The following PXMP2 variants were observed in gnomAD, a reference collection of about 807,000 sequenced individuals.
The protein encoded by PXMP2 is 22 kDa peroxisomal membrane protein.
A neutral mutation model predicts 20.2 loss-of-function variants in PXMP2; 13 were observed. The observed-to-expected ratio is 0.64, with a 90% CI of 0.42 to 1.02. The LOEUF (loss-of-function observed/expected upper bound fraction) is 1.02. Ranked by LOEUF, PXMP2 falls within the 50% of genes least tolerant of loss-of-function variation. PXMP2 has a pLI of 0.00. For synonymous variants in PXMP2, 113 were observed against 111.2 expected (o/e 1.02, Z -0.10); for missense variants, 284 against 251.8 (o/e 1.13, Z -0.87).
chr12:132,702,594 T>C, intron 4 of PXMP2: 1 of 229,498 alleles, frequency 4.4e-6, no homozygotes, highest in Non-Finnish European at 9.3e-6. Flanking sequence ...TTTTTACTGG[T>C]ACTCTGGGCG....
chr12:132,690,489 C>G, intron 2 of PXMP2, 113 bp downstream of exon 2: 3 of 785,072 alleles, frequency 3.8e-6, no homozygotes, highest in Non-Finnish European at 6.1e-6. Context: ...TTTTTAAAAA[C>G]CATTGTAGTA....
rs1160720893 is a variant in PXMP2, at chr12:132,687,795, G to C, written c.122+3G>C. The C allele has an allele frequency of 1.1e-5, 13 of 1,154,782 alleles. No individual in the cohort carries two copies. Among genetic ancestry groups the C allele is most frequent in the Non-Finnish European group, 1.4e-5 (13 of 938,924 alleles). The allele number at this position is 1,154,782 out of a possible 1,614,324, so 71.5% of individuals were successfully genotyped here. A position where few individuals can be genotyped will look rare whatever the true frequency, so the allele number is the denominator to read the frequency against. On this transcript the variant is annotated splice_donor_region_variant and intron_variant, in intron 1 of 4. Coordinates refer to ENST00000317479, the MANE Select transcript of PXMP2 (RefSeq NM_018663.3). The stretch of plus-strand genomic sequence containing the variant: ...GTGCTCACCAAGGCGGCCACCAGGT[G>C]AGCGGGGGCGCGGGAATCGGACGCC...
At chr12:132,691,657 A>C (rs2043367386) in intron 2 of PXMP2, among the ~76,000 whole-genome samples, 1 of 152,194 alleles carries the variant, frequency 6.6e-6, no homozygotes, top group African/African-American at 2.4e-5. Context: ...TGATGAGATC[A>C]CCTAGCAGGC....
intron 2 of PXMP2, among the ~76,000 whole-genome samples, chr12:132,691,497 A>G (rs551362504): frequency 5.9e-5 from 9 of 152,222 alleles, no homozygotes; most frequent in Non-Finnish European, 1.2e-4. Context: ...CTCGGCCAAC[A>G]GTAATGTGAA....
chr12:132,697,935 C>T (rs376679642), intron 3 of PXMP2, among the ~76,000 whole-genome samples: 1 of 152,064 alleles, frequency 6.6e-6, no homozygotes, highest in Non-Finnish European at 1.5e-5. Context: ...CCACCTCCCC[C>T]GTTCACGAGC....
intron 3 of PXMP2, among the ~76,000 whole-genome samples, chr12:132,699,332 A>G (rs141873674): frequency 6.6e-6 from 1 of 152,116 alleles, no homozygotes; most frequent in East Asian, 1.9e-4. Flanking sequence ...CGGAGGCTTG[A>G]TGTCAGGAGG....
chr12:132,696,058 C>T lies in PXMP2; in HGVS notation c.399+12C>T, dbSNP rs1166055562. 6.3e-6 allele frequency: 10 copies of T among 1,591,630 alleles called. No individual in the cohort carries two copies. Among genetic ancestry groups the T allele is most frequent in the Non-Finnish European group, 8.6e-6 (10 of 1,165,766 alleles). ...TGAACTTTCTGGAGGTGGGTGTCTG[C>T]CACAGCACTTACTGCAGCTCTTCGT... On this transcript the variant is annotated intron_variant, in intron 3 of 4. Transcript: ENST00000317479. This position sits in a 1 kb window ranked among gnomAD's most constrained non-coding sequence, Gnocchi z 4.4.
intron 2 of PXMP2, among the ~76,000 whole-genome samples, chr12:132,692,563 C>CGCCCTT (rs1341595118): frequency 7.7e-6 from 1 of 129,070 alleles, no homozygotes. Flanking sequence ...AGTTAGTGAG[C>CGCCCTT]ACCCTTGCCA....
chr12:132,701,308 G>A lies in PXMP2; in HGVS notation c.458G>A (p.Arg153Lys). 6.2e-7 allele frequency: 1 copy of A among 1,613,124 alleles called. No individual in the cohort carries two copies. The highest frequency in any genetic ancestry group is 8.5e-7 in the Non-Finnish European group (1 of 1,179,726). Residue 153 changes from arginine (R) to lysine (K), a missense_variant, in exon 4 of 5, where the codon AGG (arginine) becomes AAG (lysine). Transcript: ENST00000317479. ...AGGGGGGGCTTCTGGCCGGCGCTGA[G>A]GATGAACTGGCGGGTGTGGACGCCA... ...KMRGGFWPAL[R>K]MNWRVWTPLQ...
At chr12:132,690,562 G>T (rs1026836400) in intron 2 of PXMP2, among the ~76,000 whole-genome samples, 186 bp downstream of exon 2, 7 of 123,852 alleles carry the variant, frequency 5.7e-5, no homozygotes, top group Non-Finnish European at 1.1e-4. Context: ...CGCATACGTG[G>T]TTTTTTTTGT....
intron 2 of PXMP2, 132 bp downstream of exon 2, chr12:132,690,508 G>A: frequency 3.0e-6 from 2 of 677,610 alleles, no homozygotes; most frequent in East Asian, 2.8e-5. Flanking sequence ...TAATCATCAT[G>A]GGAAAAAACT....
chr12:132,690,172 T>C (rs1345251199), intron 1 of PXMP2, 91 bp from the exon 2 acceptor site: 5 of 957,692 alleles, frequency 5.2e-6, no homozygotes, highest in Non-Finnish European at 8.3e-6. Context: ...ATCTGCTGCA[T>C]GGCCTCAGAA....
chr12:132,690,233 G>A, intron 1 of PXMP2, 30 bp from the exon 2 acceptor site: 1 of 1,565,784 alleles, frequency 6.4e-7, no homozygotes, highest in Non-Finnish European at 8.8e-7. Flanking sequence ...GCTGGTCACT[G>A]CTGTTTTCTG....
rs1374831096 is a variant in PXMP2 at position 132,695,950 on chromosome 12, G to A, written c.303G>A (p.Glu101=). 2 of 1,612,556 alleles carry A rather than the reference G, an allele frequency of 1.2e-6. No individual in the cohort carries two copies. The highest frequency in any genetic ancestry group is 2.7e-5 in the African/African-American group (2 of 74,894). ...YFFMEHWIPP[E]VPLAGLRRLL... ...TCATGGAACATTGGATCCCTCCTGAGGTCCCCCTGGCAGGGCTCAGGAGGC... is the reference window on the plus strand; with the variant it reads ...TCATGGAACATTGGATCCCTCCTGAAGTCCCCCTGGCAGGGCTCAGGAGGC... The change falls in exon 3 of 5, where the codon GAG becomes GAA. Residue 101 remains glutamate, a synonymous_variant. Transcript: ENST00000317479.
chr12:132,700,296 C>T (rs1042299741), intron 3 of PXMP2, among the ~76,000 whole-genome samples: 12 of 152,106 alleles, frequency 7.9e-5, no homozygotes, highest in African/African-American at 2.4e-4. Context: ...ATCCGCCCAC[C>T]TCAGCCTCCC....
Position 132,704,617 on chromosome 12 carries a change from AGTTCCGG to A in PXMP2, c.521_527del (p.Phe174CysfsTer80), listed in dbSNP as rs753768497. The A allele has an allele frequency of 2.8e-6, 4 of 1,438,322 alleles. No homozygotes were observed. Among genetic ancestry groups the A allele is most frequent in the Non-Finnish European group, 3.7e-6 (4 of 1,089,732 alleles). The allele number at this position is 1,438,322 out of a possible 1,614,324, so 89.1% of individuals were successfully genotyped here. On this transcript the variant is annotated splice_acceptor_variant and coding_sequence_variant, in exon 5 of 5. Coordinates refer to ENST00000317479, the MANE Select transcript of PXMP2 (RefSeq NM_018663.3). LOFTEE classifies it high-confidence loss of function. The stretch of plus-strand genomic sequence containing the variant: ...GGCCTGTTGGACTGTTCTTTTCGGC[AGTTCCGG>A]GTGCTCTTCGCCAACCTGGCAGCTC...
chr12:132,704,653 T>G lies in PXMP2; in HGVS notation c.554T>G (p.Phe185Cys). The change falls in exon 5 of 5, where the codon TTC (phenylalanine) becomes TGC (cysteine). Residue 185 changes from phenylalanine to cysteine, a missense_variant. Coordinates refer to ENST00000317479, the MANE Select transcript of PXMP2 (RefSeq NM_018663.3). ...CTCTTCGCCAACCTGGCAGCTCTGT[T>G]CTGGTATGCCTACCTGGCCTCCTTG... Reference protein sequence around the residue: ...RVLFANLAALFWYAYLASLGK With the variant: ...RVLFANLAALCWYAYLASLGK 6.5e-7 allele frequency: 1 copy of G among 1,532,194 alleles called. No homozygotes were observed. The highest frequency in any genetic ancestry group is 8.8e-7 in the Non-Finnish European group (1 of 1,135,818). The allele number at this position is 1,532,194 out of a possible 1,614,324, so 94.9% of individuals were successfully genotyped here.
At chr12:132,687,886 T>TG (rs2043317924) in intron 1 of PXMP2, 94 bp downstream of exon 1, 2 of 1,056,634 alleles carry the variant, frequency 1.9e-6, no homozygotes, top group Non-Finnish European at 2.3e-6. Flanking sequence ...GGGACCAGGC[T>TG]GGGGGCGCGC....
rs1238938261 is a variant in PXMP2, at chr12:132,694,487, TAGTGAGCGCCCTTGCCAGTTAGTTA to T, written c.237-1383_237-1359del. On this transcript the variant is annotated intron_variant, in intron 2 of 4. Transcript: ENST00000317479. ...TAGTGAGCTCCCTTAGCCAGTTAGT[TAGTGAGCGCCCTTGCCAGTTAGTTA>T]AGTGAGCGCCCTTAGCCAGTTAGAT... is the stretch of plus-strand genomic sequence containing the variant. 3.7e-4 allele frequency among the ~76,000 whole-genome samples: 29 copies of T among 78,262 alleles called. 2 individuals carry two copies. The highest frequency in any genetic ancestry group is 1.0e-3 in the African/African-American group (26 of 25,936). 51.3% of individuals were successfully genotyped at this position (78,262 alleles called of 152,430 possible).
Sources: allele counts gnomAD v4.1 joint callset (sites outside exome capture counted in the v4.1 genomes callset), GRCh38; gene constraint gnomAD v4.1.1; non-coding constraint Gnocchi (gnomAD v3.1); transcripts MANE v1.5; gene names NCBI Gene and HGNC (gene_info 2026-07-23, HGNC 2026-07-21).